WDFY4: variants seen among roughly 807,000 people sequenced by gnomAD.
WDFY4 encodes WDFY family member 4.
A neutral mutation model predicts 351.9 loss-of-function variants in WDFY4; 169 were observed. That is an observed-to-expected ratio of 0.48 (90% CI 0.42 to 0.55). WDFY4 has a LOEUF of 0.55. WDFY4 is among the 20% of genes least tolerant of loss of function. WDFY4 has a pLI of 0.00. For synonymous variants in WDFY4, 1,622 were observed against 1,574.6 expected (o/e 1.03, Z -0.71); for missense variants, 3,803 against 3,935.6 (o/e 0.97, Z 0.90).
intron 36 of WDFY4, among the ~76,000 whole-genome samples, chr10:48,827,752 C>T (rs1222791522): frequency 6.6e-6 from 1 of 151,374 alleles, no homozygotes; most frequent in Non-Finnish European, 1.5e-5. Flanking sequence ...GTGTTGACTA[C>T]TGAGCAGTAC....
chr10:48,924,716 G>A (rs2133619073), intron 47 of WDFY4, among the ~76,000 whole-genome samples: 1 of 152,248 alleles, frequency 6.6e-6, no homozygotes, highest in South Asian at 2.1e-4. Context: ...AAACAGCATG[G>A]TGGGATACCC....
At chr10:48,723,947 C>T (rs1292196113) in intron 5 of WDFY4, among the ~76,000 whole-genome samples, 1 of 151,798 alleles carries the variant, frequency 6.6e-6, no homozygotes, top group Non-Finnish European at 1.5e-5. Context: ...GGGATTGGCA[C>T]CCTTGAGTAA....
intron 47 of WDFY4, among the ~76,000 whole-genome samples, chr10:48,921,435 C>T (rs775903226): frequency 3.3e-5 from 5 of 151,990 alleles, no homozygotes; most frequent in Non-Finnish European, 7.4e-5. Context: ...TAAACCTTGG[C>T]CTAATTAACA....
rs918474843 is a variant in WDFY4, at chr10:48,838,377, C to T, written c.6663+5668C>T. Among the ~76,000 whole-genome samples, 37 of 152,272 alleles carry T rather than the reference C, an allele frequency of 2.4e-4. 1 individual carries two copies. In the Middle Eastern group the frequency reaches 0.01, roughly 42 times the overall value. ...CTGGGGTCTGCCATCAGCTCCTTCCCTGACCAGGTGCCAGACCTGCCGTCA... is the reference window on the plus strand; with the variant it reads ...CTGGGGTCTGCCATCAGCTCCTTCCTTGACCAGGTGCCAGACCTGCCGTCA... On this transcript the variant is annotated intron_variant, in intron 39 of 61. Transcript: ENST00000325239.
chr10:48,898,562 C>G (rs1415207028), intron 45 of WDFY4, among the ~76,000 whole-genome samples: 2 of 152,118 alleles, frequency 1.3e-5, no homozygotes, highest in African/African-American at 4.8e-5. Context: ...TCCAGTGACC[C>G]CTCCTGCAAG....
intron 47 of WDFY4, among the ~76,000 whole-genome samples, chr10:48,905,080 A>G (rs1166462938): frequency 6.6e-6 from 1 of 152,094 alleles, no homozygotes; most frequent in East Asian, 1.9e-4. Context: ...TCTGCAGCTC[A>G]CCCTTTGATG....
intron 2 of WDFY4, among the ~76,000 whole-genome samples, chr10:48,717,099 T>C (rs1436282926): frequency 6.6e-6 from 1 of 152,198 alleles, no homozygotes; most frequent in Non-Finnish European, 1.5e-5. Context: ...AAAGTAGGCA[T>C]AGTAATAGTA....
In WDFY4 at chr10:48,890,575, C is replaced by G; in HGVS notation, c.7168-4C>G. On this transcript the variant is annotated splice_region_variant and splice_polypyrimidine_tract_variant and intron_variant, in intron 43 of 61. Coordinates refer to ENST00000325239, the MANE Select transcript of WDFY4 (RefSeq NM_001394531.1). ...CACCTGACTCTGCCACTCTCTCCTT[C>G]CAGGTGACGCAGAAGTTCTCCCTGG... The G allele has an allele frequency of 6.4e-7, 1 of 1,551,710 alleles. No homozygotes were observed. Among genetic ancestry groups the G allele is most frequent in the Non-Finnish European group, 8.7e-7 (1 of 1,146,982 alleles).
intron 39 of WDFY4, among the ~76,000 whole-genome samples, chr10:48,849,338 A>T (rs2068881596): frequency 6.6e-6 from 1 of 152,214 alleles, no homozygotes; most frequent in Admixed American, 6.5e-5. Context: ...CAGTTTGGTG[A>T]ATTCTGCACC....
At chr10:48,828,280 C>T (rs1260795881) in intron 36 of WDFY4, among the ~76,000 whole-genome samples, 2 of 152,184 alleles carry the variant, frequency 1.3e-5, no homozygotes, top group African/African-American at 4.8e-5. Flanking sequence ...AATTAAAATG[C>T]TAGGCTTGTG....
Position 48,736,073 on chromosome 10 carries a change from G to C in WDFY4, c.1878+3G>C, listed in dbSNP as rs1446610945. 6.4e-7 allele frequency: 1 copy of C among 1,551,636 alleles called. No individual in the cohort carries two copies. The highest frequency in any genetic ancestry group is 1.4e-5 in the African/African-American group (1 of 73,060). On this transcript the variant is annotated splice_donor_region_variant and intron_variant, in intron 11 of 61. Transcript: ENST00000325239. ...AGCTGAAACTGGATCTCCTGAAGGT[G>C]ATTTCAAGTCCTCCTTTGAGATTGG...
At chr10:48,969,039 G>A in intron 55 of WDFY4, 25 bp from the exon 56 acceptor site, 4 of 1,547,148 alleles carry the variant, frequency 2.6e-6, no homozygotes, top group Non-Finnish European at 2.6e-6. Flanking sequence ...CCATGCATAA[G>A]TTCGCCATAC....
intron 47 of WDFY4, among the ~76,000 whole-genome samples, chr10:48,919,500 A>G (rs912956495): frequency 2.0e-5 from 3 of 152,218 alleles, no homozygotes; most frequent in African/African-American, 7.2e-5. Flanking sequence ...ATAACAAAGT[A>G]CCATAGACTA....
chr10:48,915,035 AT>A (rs1838385657), intron 47 of WDFY4, among the ~76,000 whole-genome samples: 1 of 152,174 alleles, frequency 6.6e-6, no homozygotes, highest in Non-Finnish European at 1.5e-5. Context: ...TGTGATGGGG[AT>A]TCTGGCTTCT....
At chr10:48,829,456 T>G (rs1351300821) in intron 37 of WDFY4, among the ~76,000 whole-genome samples, 2 of 152,192 alleles carry the variant, frequency 1.3e-5, no homozygotes, top group Non-Finnish European at 2.9e-5. Context: ...GTTTGAGAGA[T>G]TATGCTCTCT....
chr10:48,857,633 G>A (rs1564422522), intron 39 of WDFY4, among the ~76,000 whole-genome samples: 1 of 152,078 alleles, frequency 6.6e-6, no homozygotes, highest in Admixed American at 6.5e-5. Context: ...TATTTAGCCA[G>A]TCTATTATTA....
intron 39 of WDFY4, among the ~76,000 whole-genome samples, chr10:48,843,893 A>G (rs1200998114): frequency 6.6e-6 from 1 of 152,252 alleles, no homozygotes; most frequent in Admixed American, 6.5e-5. Flanking sequence ...AAGTGTTTTC[A>G]AAAACATATT....
Position 48,867,238 on chromosome 10 carries a change from C to T in WDFY4, c.6664-27C>T, listed in dbSNP as rs183164566. ...AAATAAAATCACAACTATCATTAAG[C>T]TGTGACTTGTTTTCTCCTTTCTCCA... On this transcript the variant is annotated intron_variant, in intron 39 of 61. Transcript: ENST00000325239. 1.2e-5 allele frequency: 13 copies of T among 1,081,496 alleles called. No homozygotes were observed. In the East Asian group the frequency reaches 1.8e-4, roughly 15 times the overall value. 67.0% of individuals were successfully genotyped at this position (1,081,496 alleles called of 1,614,324 possible).
At chr10:48,833,599 G>T (rs888924022) in intron 39 of WDFY4, among the ~76,000 whole-genome samples, 9 of 152,210 alleles carry the variant, frequency 5.9e-5, no homozygotes, top group African/African-American at 9.7e-5. Context: ...ACGAGGTTCT[G>T]CAGGAACATG....
Sources: gnomAD v4.1 joint callset for allele counts (sites outside exome capture counted in the v4.1 genomes callset) on GRCh38, gnomAD v4.1.1 for gene constraint, MANE v1.5 for transcripts, NCBI Gene and HGNC (gene_info 2026-07-23, HGNC 2026-07-21) for gene names.